The following COMMD10 variants were observed in gnomAD, a reference collection of about 807,000 sequenced individuals.
COMMD10 encodes COMM domain containing 10.
A neutral mutation model predicts 28.9 loss-of-function variants in COMMD10; 33 were observed. The ratio of observed to expected loss-of-function variants is 1.14; its 90% CI spans 0.87 to 1.53. COMMD10 has a LOEUF of 1.53. COMMD10 is among the 40% of genes most tolerant of loss of function. COMMD10 has a pLI of 0.00. For synonymous variants in COMMD10, 110 were observed against 81.7 expected (o/e 1.35, Z -1.87); for missense variants, 310 against 233.4 (o/e 1.33, Z -2.14).
At chr5:116,195,460 T>C (rs1748486882) in intron 5 of COMMD10, among the ~76,000 whole-genome samples, 1 of 152,090 alleles carries the variant, frequency 6.6e-6, no homozygotes, top group Admixed American at 6.6e-5. Context: ...TTCAGCAAAG[T>C]TTCCGGATAC....
At chr5:116,174,007 G>C (rs757928960) in intron 5 of COMMD10, among the ~76,000 whole-genome samples, 1 of 152,014 alleles carries the variant, frequency 6.6e-6, no homozygotes, top group Non-Finnish European at 1.5e-5. Context: ...TTCTCTCTTA[G>C]AGCATTCATT....
At chr5:116,287,625 C>T (rs1430877272) in intron 5 of COMMD10, among the ~76,000 whole-genome samples, 2 of 151,580 alleles carry the variant, frequency 1.3e-5, no homozygotes, top group South Asian at 2.1e-4. Flanking sequence ...TAGTTGCTGT[C>T]TATGTCTTGT....
At chr5:116,171,958 T>C (rs1301688909) in intron 5 of COMMD10, among the ~76,000 whole-genome samples, 1 of 152,130 alleles carries the variant, frequency 6.6e-6, no homozygotes, top group Non-Finnish European at 1.5e-5. Flanking sequence ...ACATGTATCC[T>C]AGAACTTAAA....
At chr5:116,098,729 G>T (rs1431532982) in intron 4 of COMMD10, among the ~76,000 whole-genome samples, 1 of 152,150 alleles carries the variant, frequency 6.6e-6, no homozygotes, top group Non-Finnish European at 1.5e-5. Context: ...CTGTGATTCT[G>T]AATTCAAAGA....
chr5:116,092,399 G>T (rs10478275), intron 3 of COMMD10, 146 bp from the exon 4 acceptor site: 356,989 of 476,710 alleles, frequency 0.75, 135,087 homozygotes, highest in Non-Finnish European at 0.79. Flanking sequence ...ATTTTATTAT[G>T]TGTAAAATAA....
intron 6 of COMMD10, 134 bp downstream of exon 6, chr5:116,291,710 T>C (rs1751366893): frequency 1.9e-6 from 1 of 525,338 alleles, no homozygotes; most frequent in Admixed American, 3.7e-5. Flanking sequence ...AAAGACCTTA[T>C]GTTTCACAGG....
Position 116,276,428 on chromosome 5 carries a change from G to A in COMMD10, c.511-15089G>A, listed in dbSNP as rs975024127. Reference sequence around the variant, plus strand: ...ATTTTTGTATTTTTAGTAGAGACAGGGTTTTACCATTTTGCCAGGTTGGTC... The same window carrying A: ...ATTTTTGTATTTTTAGTAGAGACAGAGTTTTACCATTTTGCCAGGTTGGTC... On this transcript the variant is annotated intron_variant, in intron 5 of 6. Transcript: ENST00000274458. Among the ~76,000 whole-genome samples, 21 of 151,430 alleles carry A rather than the reference G, an allele frequency of 1.4e-4. 2 individuals are homozygous for A. The highest frequency in any genetic ancestry group is 3.9e-4 in the African/African-American group (16 of 40,998).
intron 5 of COMMD10, among the ~76,000 whole-genome samples, chr5:116,226,552 A>G (rs1218376290): frequency 6.6e-6 from 1 of 151,818 alleles, no homozygotes; most frequent in Admixed American, 6.6e-5. Context: ...ATATCTAGAC[A>G]TTTGATTGGA....
chr5:116,211,186 A>G (rs933725934), intron 5 of COMMD10, among the ~76,000 whole-genome samples: 3 of 152,094 alleles, frequency 2.0e-5, no homozygotes, highest in Admixed American at 6.6e-5. Context: ...GTATATTTGT[A>G]TGTATATGCA....
intron 5 of COMMD10, among the ~76,000 whole-genome samples, chr5:116,284,821 C>T (rs112987123): frequency 0.016 from 2,432 of 151,812 alleles, 31 homozygotes; most frequent in Non-Finnish European, 0.026. Flanking sequence ...AAATTAAGGA[C>T]GAAATATGTA....
chr5:116,156,779 A>T (rs900644309), intron 5 of COMMD10, among the ~76,000 whole-genome samples: 1 of 152,064 alleles, frequency 6.6e-6, no homozygotes, highest in African/African-American at 2.4e-5. Flanking sequence ...TTCTGCTTTG[A>T]TCTGTCCCAG....
Position 116,085,087 on chromosome 5 carries a change from G to C in COMMD10, c.35G>C (p.Ser12Thr). The C allele has an allele frequency of 1.2e-6, 2 of 1,610,032 alleles. No homozygotes were observed. Among genetic ancestry groups the C allele is most frequent in the Non-Finnish European group, 1.7e-6 (2 of 1,179,028 alleles). Residue 12 changes from serine (S) to threonine (T), a missense_variant, in exon 1 of 7, where the codon AGC (serine) becomes ACC (threonine). Transcript: ENST00000274458. ...CCCGCGGCGCTGATCCTACGGGAGA[G>C]CCCCAGGTAGCTGATCCGTTAAGCT... ...AVPAALILRE[S>T]PSMKKAVSLI...
chr5:116,149,971 A>G (rs1012169266), intron 5 of COMMD10, among the ~76,000 whole-genome samples: 1 of 152,082 alleles, frequency 6.6e-6, no homozygotes, highest in Non-Finnish European at 1.5e-5. Flanking sequence ...GTTTTCTTCT[A>G]AGGTTTTTAT....
At chr5:116,192,546 A>T (rs1043366225) in intron 5 of COMMD10, among the ~76,000 whole-genome samples, 1 of 152,178 alleles carries the variant, frequency 6.6e-6, no homozygotes, top group Non-Finnish European at 1.5e-5. Flanking sequence ...TCAACAATAG[A>T]ATTGAACAAT....
At position 116,095,347 on chromosome 5, in the gene COMMD10, G is replaced by C. The variant is rs79860673; in HGVS notation, c.399+2647G>C. 2.7e-3 allele frequency among the ~76,000 whole-genome samples: 406 copies of C among 152,230 alleles called. 14 individuals are homozygous for C. The East Asian group carries it at 0.066, about 25-fold the overall frequency. Reference sequence around the variant, plus strand: ...AATAGGCTTTGTGTTAGATGATTTTGCTCAACCACAGGCTAATGTAAGTAT... The same window carrying C: ...AATAGGCTTTGTGTTAGATGATTTTCCTCAACCACAGGCTAATGTAAGTAT... On this transcript the variant is annotated intron_variant, in intron 4 of 6. Coordinates refer to ENST00000274458, the MANE Select transcript of COMMD10 (RefSeq NM_016144.4).
chr5:116,138,331 C>G (rs528042236), intron 5 of COMMD10, among the ~76,000 whole-genome samples: 16 of 151,614 alleles, frequency 1.1e-4, no homozygotes, highest in Admixed American at 2.6e-4. Flanking sequence ...TAAAATAGTC[C>G]ATAAGATAAT....
intron 5 of COMMD10, among the ~76,000 whole-genome samples, chr5:116,167,415 C>A (rs1753161240): frequency 6.6e-6 from 1 of 152,134 alleles, no homozygotes; most frequent in South Asian, 2.1e-4. Flanking sequence ...AGTTGGAAAA[C>A]ACTCTTCAGG....
intron 5 of COMMD10, among the ~76,000 whole-genome samples, chr5:116,148,365 C>G (rs1211379916): frequency 6.6e-6 from 1 of 151,858 alleles, no homozygotes; most frequent in African/African-American, 2.4e-5. Flanking sequence ...CTTTCCCCCT[C>G]TTGGCTTCTT....
intron 5 of COMMD10, among the ~76,000 whole-genome samples, chr5:116,144,751 A>C (rs1297507315): frequency 6.6e-6 from 1 of 151,870 alleles, no homozygotes; most frequent in Non-Finnish European, 1.5e-5. Context: ...GAGAAGAAAG[A>C]AACCTAATTG....
Sources: allele counts gnomAD v4.1 joint callset (sites outside exome capture counted in the v4.1 genomes callset), GRCh38; gene constraint gnomAD v4.1.1; transcripts MANE v1.5; gene names NCBI Gene and HGNC (gene_info 2026-07-23, HGNC 2026-07-21).